The following RANBP17 variants were observed in gnomAD, a reference collection of about 807,000 sequenced individuals.
The protein encoded by RANBP17 is RAN binding protein 17.
RANBP17 carries 158 observed loss-of-function variants against 141.2 expected under a neutral mutation model. That is an observed-to-expected ratio of 1.12 (90% CI 0.98 to 1.28). The LOEUF is 1.28. RANBP17 is among the 50% of genes most tolerant of loss of function. The pLI is 0.00. For missense variants in RANBP17, 1,438 were observed against 1,290.7 expected (o/e 1.11, Z -1.75); for synonymous variants, 430 against 450.0 (o/e 0.96, Z 0.56).
intron 1 of RANBP17, among the ~76,000 whole-genome samples, chr5:170,871,262 T>C (rs1767696212): frequency 1.3e-5 from 2 of 152,144 alleles, no homozygotes; most frequent in South Asian, 4.1e-4. Flanking sequence ...TTGGCCAGGA[T>C]GGTCTCGAAC....
chr5:171,019,409 G>A (rs569277830), intron 14 of RANBP17, among the ~76,000 whole-genome samples: 6 of 152,062 alleles, frequency 3.9e-5, no homozygotes, highest in Non-Finnish European at 7.4e-5. Flanking sequence ...TTGTTGGTAG[G>A]CTATGAATTA....
chr5:171,170,539 C>T (rs1288321839), intron 15 of RANBP17, among the ~76,000 whole-genome samples: 1 of 151,934 alleles, frequency 6.6e-6, no homozygotes, highest in East Asian at 1.9e-4. Flanking sequence ...TGAAAGACCA[C>T]GTGAAGAGAT....
At chr5:171,221,446 AT>A (rs1763551369) in intron 21 of RANBP17, among the ~76,000 whole-genome samples, 1 of 152,214 alleles carries the variant, frequency 6.6e-6, no homozygotes, top group Non-Finnish European at 1.5e-5. Flanking sequence ...ATTATTATCC[AT>A]CATCCAGTTG....
At chr5:171,110,967 C>T (rs576577565) in intron 14 of RANBP17, among the ~76,000 whole-genome samples, 1 of 151,704 alleles carries the variant, frequency 6.6e-6, no homozygotes, top group African/African-American at 2.4e-5. Flanking sequence ...CCCACTAACT[C>T]GTCATCTAGC....
At chr5:170,963,538 G>T (rs955084108) in intron 13 of RANBP17, among the ~76,000 whole-genome samples, 1 of 152,156 alleles carries the variant, frequency 6.6e-6, no homozygotes, top group Admixed American at 6.5e-5. Context: ...TTTTTCCATG[G>T]ACCGGGGCAG....
At chr5:171,246,575 T>A (rs1279380529) in intron 24 of RANBP17, among the ~76,000 whole-genome samples, 1 of 152,246 alleles carries the variant, frequency 6.6e-6, no homozygotes, top group Non-Finnish European at 1.5e-5. Flanking sequence ...AAGAAGAAAT[T>A]CTGTCTTCTA....
intron 11 of RANBP17, among the ~76,000 whole-genome samples, chr5:170,921,589 A>G (rs950454468): frequency 1.3e-5 from 2 of 152,126 alleles, no homozygotes; most frequent in African/African-American, 4.8e-5. Flanking sequence ...TTGGTTCCAT[A>G]TGAACTTTAA....
At chr5:171,274,111 A>AAT (rs1767314719) in intron 25 of RANBP17, among the ~76,000 whole-genome samples, 1 of 143,114 alleles carries the variant, frequency 7.0e-6, no homozygotes, top group Non-Finnish European at 1.5e-5. Context: ...AGTTTGATCA[A>AAT]GTGTGTGTGT....
chr5:170,925,883 A>C (rs1772877758), intron 12 of RANBP17, among the ~76,000 whole-genome samples: 1 of 151,978 alleles, frequency 6.6e-6, no homozygotes. Context: ...TAGTTCCTTC[A>C]TTTTCAGTAC....
At chr5:170,893,917 T>G (rs780970889) in intron 4 of RANBP17, among the ~76,000 whole-genome samples, 1 of 152,174 alleles carries the variant, frequency 6.6e-6, no homozygotes, top group Non-Finnish European at 1.5e-5. Context: ...TTTCGGAGAT[T>G]TTACTTTTAT....
chr5:170,916,454 G>A lies in RANBP17; in HGVS notation c.835-11G>A, dbSNP rs749854640. ...TGAAAATTGAAATGAAATTTTTTTG[G>A]TATTTTTTAGGCACTTTCATGTTTA... On this transcript the variant is annotated splice_polypyrimidine_tract_variant and intron_variant, in intron 8 of 27. Coordinates refer to ENST00000523189, the MANE Select transcript of RANBP17 (RefSeq NM_022897.5). The A allele has an allele frequency of 1.3e-6, 2 of 1,511,476 alleles. No individual in the cohort carries two copies. Among genetic ancestry groups the A allele is most frequent in the Non-Finnish European group, 1.8e-6 (2 of 1,125,290 alleles). The allele number at this position is 1,511,476 out of a possible 1,614,324, so 93.6% of individuals were successfully genotyped here.
chr5:171,282,045 C>T (rs995089394), intron 25 of RANBP17, among the ~76,000 whole-genome samples: 3 of 152,040 alleles, frequency 2.0e-5, no homozygotes, highest in African/African-American at 4.8e-5. Context: ...GCTGGCTTAT[C>T]GGGGCAGATT....
At chr5:170,906,268 T>C (rs12519011) in intron 5 of RANBP17, among the ~76,000 whole-genome samples, 95,833 of 151,832 alleles carry the variant, frequency 0.63, 31,203 homozygotes, top group South Asian at 0.9. Flanking sequence ...TTTTATTAGT[T>C]TCCTTCAATC....
chr5:170,921,520 G>A (rs543232581), intron 11 of RANBP17, among the ~76,000 whole-genome samples: 11 of 151,592 alleles, frequency 7.3e-5, no homozygotes, highest in African/African-American at 1.4e-4. Context: ...GTCAGGTAGC[G>A]TGATGCCTCC....
At chr5:170,977,601 T>C (rs928589042) in intron 14 of RANBP17, among the ~76,000 whole-genome samples, 3 of 152,086 alleles carry the variant, frequency 2.0e-5, no homozygotes, top group Admixed American at 2.0e-4. Context: ...TGCATGTCTA[T>C]TAGCTGATGA....
chr5:171,231,493 T>C (rs1764207649), intron 22 of RANBP17, among the ~76,000 whole-genome samples: 1 of 152,174 alleles, frequency 6.6e-6, no homozygotes, highest in Admixed American at 6.5e-5. Context: ...TTTGTTAATA[T>C]TCAGTCTAGG....
intron 23 of RANBP17, 93 bp downstream of exon 23, chr5:171,241,235 G>T: frequency 1.1e-6 from 1 of 914,460 alleles, no homozygotes; most frequent in Middle Eastern, 2.5e-4. Flanking sequence ...CAGGGAGTTA[G>T]CCTAGAACAT....
chr5:170,870,788 ATCACCACACTG>A (rs1385315328), intron 1 of RANBP17, among the ~76,000 whole-genome samples: 3 of 152,190 alleles, frequency 2.0e-5, no homozygotes, highest in Non-Finnish European at 4.4e-5. Flanking sequence ...TCCTTGAGGA[ATCACCACACTG>A]TCTTCCACAA....
chr5:171,085,235 C>G (rs1785561137), intron 14 of RANBP17, among the ~76,000 whole-genome samples: 1 of 143,148 alleles, frequency 7.0e-6, no homozygotes, highest in Non-Finnish European at 1.5e-5. Context: ...TTCCCCATTT[C>G]TTGTTTTTCT....
Sources: allele counts gnomAD v4.1 joint callset (sites outside exome capture counted in the v4.1 genomes callset), GRCh38; gene constraint gnomAD v4.1.1; transcripts MANE v1.5; gene names NCBI Gene and HGNC (gene_info 2026-07-23, HGNC 2026-07-21).